The following WDR7 variants were observed in gnomAD, a reference collection of about 807,000 sequenced individuals.
WDR7 encodes WD repeat domain 7, also known as WD repeat-containing protein 7.
A neutral mutation model predicts 169.4 loss-of-function variants in WDR7; 46 were observed. That is an observed-to-expected ratio of 0.27 (90% confidence interval 0.21 to 0.35). The LOEUF is 0.35. Among genes scored for constraint, WDR7 ranks in the 10% least tolerant of loss-of-function variants. WDR7 has a pLI of 1.00. For synonymous variants in WDR7, 612 were observed against 666.8 expected (o/e 0.92, Z 1.27); for missense variants, 1,534 against 1,859.3 (o/e 0.83, Z 3.22).
At chr18:56,936,129 A>G (rs2046957890) in intron 23 of WDR7, 1 of 460,892 alleles carries the variant, frequency 2.2e-6, no homozygotes, top group Non-Finnish European at 3.8e-6. Flanking sequence ...TCTGTTCTCA[A>G]AGTTAATTCA....
chr18:56,998,004 A>G (rs2047922711), intron 26 of WDR7, among the ~76,000 whole-genome samples: 1 of 152,200 alleles, frequency 6.6e-6, no homozygotes, highest in Non-Finnish European at 1.5e-5. Context: ...AGAGCAGCGG[A>G]GAAGCCACAC....
At chr18:56,977,313 T>A (rs2047582108) in intron 26 of WDR7, among the ~76,000 whole-genome samples, 1 of 152,242 alleles carries the variant, frequency 6.6e-6, no homozygotes, top group Non-Finnish European at 1.5e-5. Context: ...AAAGTTACTT[T>A]AAAAGTTTCA....
chr18:56,889,444 TG>T (rs1471504100), intron 21 of WDR7, among the ~76,000 whole-genome samples: 1 of 152,164 alleles, frequency 6.6e-6, no homozygotes, highest in African/African-American at 2.4e-5. Flanking sequence ...ATACTTGACG[TG>T]TATTATTTAC....
At chr18:56,772,553 G>GA (rs1385354144) in intron 16 of WDR7, among the ~76,000 whole-genome samples, 1 of 152,014 alleles carries the variant, frequency 6.6e-6, no homozygotes, top group African/African-American at 2.4e-5. Context: ...TTTAAATTCT[G>GA]AAAAAATCCC....
chr18:56,927,268 C>G (rs1039535085), intron 22 of WDR7, among the ~76,000 whole-genome samples: 1 of 152,036 alleles, frequency 6.6e-6, no homozygotes, highest in Non-Finnish European at 1.5e-5. Flanking sequence ...GCTGAGCTGA[C>G]TCCTAAGAGG....
chr18:56,717,974 A>G lies in WDR7; in HGVS notation c.1589A>G (p.Gln530Arg), dbSNP rs2026229601. Residue 530 changes from glutamine (Q) to arginine (R), a missense_variant, in exon 13 of 28, where the codon CAG (glutamine) becomes CGG (arginine). By Grantham distance (43) the Gln-to-Arg change is conservative (BLOSUM62 1). Coordinates refer to ENST00000254442, the MANE Select transcript of WDR7 (RefSeq NM_015285.3). ...TATTCTTCTTTTCAGGCAAGAGTAC[A>G]GCACTGCATCTGCTCTGTAGCCAGT... ...VPPENCSARVQHCICSVASDH... is the reference protein window; with the variant it reads ...VPPENCSARVRHCICSVASDH... 1.2e-6 allele frequency: 2 copies of G among 1,611,942 alleles called. No homozygotes were observed. Among genetic ancestry groups the G allele is most frequent in the African/African-American group, 2.7e-5 (2 of 74,838 alleles).
chr18:56,678,366 G>A (rs1252913344), intron 2 of WDR7, among the ~76,000 whole-genome samples: 1 of 152,188 alleles, frequency 6.6e-6, no homozygotes, highest in African/African-American at 2.4e-5. Flanking sequence ...GAGGAATTAA[G>A]TATTTATTGT....
intron 14 of WDR7, among the ~76,000 whole-genome samples, chr18:56,751,470 A>G (rs377402883): frequency 3.3e-4 from 50 of 152,250 alleles, no homozygotes; most frequent in African/African-American, 9.4e-4. Context: ...TTTTGCAGCT[A>G]TTTCCCAGAG....
At chr18:57,006,812 T>C (rs1006581583) in intron 26 of WDR7, among the ~76,000 whole-genome samples, 1 of 152,194 alleles carries the variant, frequency 6.6e-6, no homozygotes, top group Non-Finnish European at 1.5e-5. Context: ...TGATCACTAA[T>C]GTAGATTTTT....
chr18:56,741,180 G>A (rs1480103134), intron 14 of WDR7, among the ~76,000 whole-genome samples: 1 of 152,046 alleles, frequency 6.6e-6, no homozygotes, highest in African/African-American at 2.4e-5. Flanking sequence ...GTGACATAAA[G>A]CTTTGTGGCC....
At chr18:56,956,336 A>G (rs1358517973) in intron 25 of WDR7, among the ~76,000 whole-genome samples, 1 of 152,108 alleles carries the variant, frequency 6.6e-6, no homozygotes, top group Non-Finnish European at 1.5e-5. Context: ...GAACCTTTCA[A>G]ACATATTAGC....
At chr18:56,934,709 C>T (rs1374232600) in intron 22 of WDR7, among the ~76,000 whole-genome samples, 2 of 152,010 alleles carry the variant, frequency 1.3e-5, no homozygotes, top group Non-Finnish European at 2.9e-5. Context: ...AATAATGGTT[C>T]TTAGATCAAT....
chr18:56,969,866 A>G (rs1439005398), intron 26 of WDR7, among the ~76,000 whole-genome samples: 4 of 152,246 alleles, frequency 2.6e-5, no homozygotes, highest in Admixed American at 6.5e-5. Context: ...TTACTAGGCT[A>G]TTTATTTCGT....
intron 19 of WDR7, among the ~76,000 whole-genome samples, chr18:56,786,082 T>C (rs1319665510): frequency 3.9e-5 from 6 of 152,200 alleles, no homozygotes; most frequent in Non-Finnish European, 7.4e-5. Context: ...TTGGTTTCTA[T>C]AGTTTTGTTC....
Position 56,781,595 on chromosome 18 carries a change from G to A in WDR7, c.3129G>A (p.Arg1043=). 1 of 1,612,948 alleles carries A rather than the reference G, an allele frequency of 6.2e-7. No homozygotes were observed. The highest frequency in any genetic ancestry group is 8.5e-7 in the Non-Finnish European group (1 of 1,179,452). The change falls in exon 19 of 28, where the codon AGG becomes AGA. Residue 1043 remains arginine, a synonymous_variant. Coordinates refer to ENST00000254442, the MANE Select transcript of WDR7 (RefSeq NM_015285.3). ...AELRRIEQAG[R]KEAIDAWAPY... Reference sequence around the variant, plus strand: ...TGAGAAGAATTGAGCAGGCAGGCAGGAAGGAAGCCATTGATGCCTGGGCTC... The same window carrying A: ...TGAGAAGAATTGAGCAGGCAGGCAGAAAGGAAGCCATTGATGCCTGGGCTC...
At chr18:56,985,912 T>C (rs2145842609) in intron 26 of WDR7, among the ~76,000 whole-genome samples, 1 of 152,242 alleles carries the variant, frequency 6.6e-6, no homozygotes, top group South Asian at 2.1e-4. Flanking sequence ...CTGCTGTTAC[T>C]ATAGGAAAGG....
chr18:56,813,428 C>T (rs2044909824), intron 19 of WDR7, among the ~76,000 whole-genome samples: 1 of 151,632 alleles, frequency 6.6e-6, no homozygotes, highest in South Asian at 2.1e-4. Flanking sequence ...TGCTGTTTAT[C>T]AAGTTCCTCT....
In WDR7 at chr18:56,756,702, G is replaced by A. The variant is rs199855333; in HGVS notation, c.2109G>A (p.Leu703=). 3 of 1,614,136 alleles carry A rather than the reference G, an allele frequency of 1.9e-6. No individual in the cohort carries two copies. Among genetic ancestry groups the A allele is most frequent in the Admixed American group, 1.7e-5 (1 of 60,026 alleles). The part of the protein sequence containing the change: ...FDVEALIIQL[L]TEEASRPNTA... ...TGGAAGCGTTGATTATTCAACTCCTGACTGAAGAAGCCTCTAGGCCGAATA... is the reference window on the plus strand; with the variant it reads ...TGGAAGCGTTGATTATTCAACTCCTAACTGAAGAAGCCTCTAGGCCGAATA... The change falls in exon 15 of 28, where the codon CTG becomes CTA. Residue 703 remains leucine, a synonymous_variant. Transcript: ENST00000254442.
intron 19 of WDR7, among the ~76,000 whole-genome samples, chr18:56,794,964 A>C (rs1267598088): frequency 6.6e-6 from 1 of 152,128 alleles, no homozygotes; most frequent in Admixed American, 6.5e-5. Flanking sequence ...CAGTATTATA[A>C]ATTCTAACAT....
Sources: gnomAD v4.1 joint callset for allele counts (sites outside exome capture counted in the v4.1 genomes callset) on GRCh38, gnomAD v4.1.1 for gene constraint, MANE v1.5 for transcripts, NCBI Gene and HGNC (gene_info 2026-07-23, HGNC 2026-07-21) for gene names.